The following ANO2 variants were observed in gnomAD, a reference collection of about 807,000 sequenced individuals.
ANO2 encodes anoctamin 2.
Under a neutral mutation model 124.2 loss-of-function variants are expected in ANO2, and 101 were observed. The observed-to-expected ratio is 0.81, with a 90% CI of 0.69 to 0.96. The LOEUF (loss-of-function observed/expected upper bound fraction) is 0.96, where lower values mean the gene tolerates loss of function less well. ANO2 is among the 40% of genes least tolerant of loss of function. The probability of loss-of-function intolerance (pLI) is 0.00; values close to 1 mark genes in which losing one functional copy is unlikely to be tolerated. For synonymous variants in ANO2, 486 were observed against 482.5 expected, an observed-to-expected ratio of 1.01 and a Z score of -0.09; for missense variants, 1,293 against 1,274.5, an observed-to-expected ratio of 1.01 and a Z score of -0.22.
chr12:5,882,253 C>G (rs1938554252), intron 3 of ANO2, among the ~76,000 whole-genome samples: 1 of 152,174 alleles, frequency 6.6e-6, no homozygotes, highest in South Asian at 2.1e-4. Flanking sequence ...AACTCAAGCT[C>G]CCATCAGGGC....
intron 20 of ANO2, among the ~76,000 whole-genome samples, chr12:5,583,406 C>A (rs905243648): frequency 2.0e-5 from 3 of 152,080 alleles, no homozygotes; most frequent in Non-Finnish European, 4.4e-5. Context: ...GTAATCCCAG[C>A]ACTTTGGGAG....
chr12:5,796,405 CA>C (rs1169477502), intron 10 of ANO2, among the ~76,000 whole-genome samples: 2 of 151,508 alleles, frequency 1.3e-5, no homozygotes, highest in Non-Finnish European at 2.9e-5. Flanking sequence ...CTCTGGCACA[CA>C]CACACACTCT....
In ANO2 at chr12:5,922,679, C is replaced by T. The variant is rs752955562; in HGVS notation, c.148G>A (p.Gly50Ser). ...MPGPRAPGLQ[G>S]GSNRDPGQPC... ...TGGCCAGGATCTCTGTTGGAACCGC[C>T]CTGCAGACCTGGGGCCCGGGGACCT... The change falls in exon 2 of 25, where the codon GGC becomes AGC. Residue 50 changes from glycine to serine, a missense_variant. Transcript: ENST00000682330. 31 of 1,574,764 alleles carry T rather than the reference C, an allele frequency of 2.0e-5. No homozygotes were observed. In the Admixed American group the frequency reaches 4.4e-4, roughly 22 times the overall value.
chr12:5,933,777 C>T (rs1262687268), intron 1 of ANO2, among the ~76,000 whole-genome samples: 1 of 152,160 alleles, frequency 6.6e-6, no homozygotes, highest in Non-Finnish European at 1.5e-5. Context: ...TCACTCTGTG[C>T]CTCTGCCTAG....
intron 3 of ANO2, among the ~76,000 whole-genome samples, chr12:5,884,505 T>C (rs1938745246): frequency 6.6e-6 from 1 of 152,350 alleles, no homozygotes; most frequent in Admixed American, 6.5e-5. Flanking sequence ...TAGGGCCCCA[T>C]GGCCATCTTT....
At chr12:5,821,368 A>T (rs763180665) in intron 7 of ANO2, among the ~76,000 whole-genome samples, 1 of 152,222 alleles carries the variant, frequency 6.6e-6, no homozygotes, top group Admixed American at 6.5e-5. Context: ...TTTTGGAGGC[A>T]ACACATTTCT....
intron 16 of ANO2, among the ~76,000 whole-genome samples, chr12:5,615,704 AG>A (rs1174968654): frequency 6.6e-6 from 1 of 152,162 alleles, no homozygotes; most frequent in Non-Finnish European, 1.5e-5. Flanking sequence ...CTGGTCAAAA[AG>A]CTTATTAGCC....
chr12:5,775,904 G>A (rs1332593933), intron 10 of ANO2, among the ~76,000 whole-genome samples: 1 of 152,160 alleles, frequency 6.6e-6, no homozygotes, highest in African/African-American at 2.4e-5. Flanking sequence ...AGTAAACAGA[G>A]GAGTGTGGGT....
At chr12:5,916,127 A>C (rs937904330) in intron 3 of ANO2, among the ~76,000 whole-genome samples, 2 of 152,016 alleles carry the variant, frequency 1.3e-5, no homozygotes, top group African/African-American at 4.8e-5. Flanking sequence ...AAATACAAAA[A>C]TTAGCTGGGC....
At chr12:5,650,473 C>T (rs1193283484) in intron 14 of ANO2, among the ~76,000 whole-genome samples, 1 of 152,184 alleles carries the variant, frequency 6.6e-6, no homozygotes, top group African/African-American at 2.4e-5. Flanking sequence ...CATTCAGACA[C>T]TCCCAACATA....
chr12:5,902,093 GT>G (rs1371204473), intron 3 of ANO2, among the ~76,000 whole-genome samples: 2 of 152,194 alleles, frequency 1.3e-5, no homozygotes, highest in African/African-American at 4.8e-5. Context: ...ACTCAGAGAT[GT>G]ATAGAGAGGA....
chr12:5,624,261 A>AG (rs367749163), intron 16 of ANO2, among the ~76,000 whole-genome samples: 178 of 152,216 alleles, frequency 1.2e-3, no homozygotes, highest in Admixed American at 2.2e-3. Flanking sequence ...AGAGAGAGAG[A>AG]AACAGACAGA....
At chr12:5,905,473 G>A (rs935828847) in intron 3 of ANO2, among the ~76,000 whole-genome samples, 1 of 152,168 alleles carries the variant, frequency 6.6e-6, no homozygotes, top group African/African-American at 2.4e-5. Flanking sequence ...ATCAGAGAGG[G>A]AGGGGCCCAA....
At chr12:5,684,735 A>T (rs1009764870) in intron 14 of ANO2, among the ~76,000 whole-genome samples, 9 of 152,094 alleles carry the variant, frequency 5.9e-5, no homozygotes, top group African/African-American at 1.4e-4. Context: ...TATGTGCTAT[A>T]TTGACTCCCA....
rs554059702 is a variant in ANO2 at position 5,855,431 on chromosome 12, CAAA to C, written c.535-1293_535-1291del. 2.0e-4 allele frequency among the ~76,000 whole-genome samples: 31 copies of C among 152,288 alleles called. No individual in the cohort carries two copies. In the East Asian group the frequency reaches 5.8e-3, roughly 28 times the overall value. On this transcript the variant is annotated intron_variant, in intron 3 of 24. Coordinates refer to ENST00000682330, the MANE Select transcript of ANO2 (RefSeq NM_001364791.2). ...TTCTATTATTCTTCAATGGCAGCTC[CAAA>C]ATATGTTCAGTAATTCAAACATCCA...
chr12:5,586,314 C>G (rs1223716213), intron 20 of ANO2, among the ~76,000 whole-genome samples: 3 of 152,196 alleles, frequency 2.0e-5, no homozygotes, highest in Admixed American at 6.5e-5. Flanking sequence ...AATGCTGAAG[C>G]CAGCCCCTCG....
intron 3 of ANO2, among the ~76,000 whole-genome samples, chr12:5,920,079 G>GCAT (rs1941613771): frequency 9.1e-6 from 1 of 109,876 alleles, no homozygotes; most frequent in Admixed American, 8.8e-5. Context: ...ATGGATGGAT[G>GCAT]GATGCATGCA....
At chr12:5,888,608 GAC>G (rs1201583625) in intron 3 of ANO2, among the ~76,000 whole-genome samples, 1 of 152,164 alleles carries the variant, frequency 6.6e-6, no homozygotes, top group Non-Finnish European at 1.5e-5. Context: ...AGATTAGCTA[GAC>G]ACAGAGTGTG....
chr12:5,586,093 T>TCC (rs1405179313), intron 20 of ANO2, among the ~76,000 whole-genome samples: 3 of 152,162 alleles, frequency 2.0e-5, no homozygotes, highest in Non-Finnish European at 4.4e-5. Context: ...CTGCCTTCCC[T>TCC]CCATTCCTTC....
Sources: allele counts gnomAD v4.1 joint callset (sites outside exome capture counted in the v4.1 genomes callset), GRCh38; gene constraint gnomAD v4.1.1; transcripts MANE v1.5; gene names NCBI Gene and HGNC (gene_info 2026-07-23, HGNC 2026-07-21).